AGBL1: variants seen among roughly 807,000 people sequenced by gnomAD.
AGBL1 encodes the protein cytosolic carboxypeptidase 4.
A neutral mutation model predicts 118.9 loss-of-function variants in AGBL1; 130 were observed. That is an observed-to-expected ratio of 1.09 (90% CI 0.95 to 1.26). The LOEUF is 1.26. Among genes scored for constraint, AGBL1 ranks in the 50% most tolerant of loss-of-function variants. The pLI, the probability that AGBL1 is intolerant of heterozygous loss-of-function variation, is 0.00. For synonymous variants in AGBL1, 555 were observed against 478.9 expected (o/e 1.16, Z -2.08); for missense variants, 1,584 against 1,298.1 (o/e 1.22, Z -3.38).
At chr15:86,311,583 G>A (rs2079922010) in intron 17 of AGBL1, among the ~76,000 whole-genome samples, 1 of 152,048 alleles carries the variant, frequency 6.6e-6, no homozygotes, top group Non-Finnish European at 1.5e-5. Context: ...ACCAAAACCC[G>A]GGTTTTCTCC....
intron 24 of AGBL1, among the ~76,000 whole-genome samples, chr15:86,990,133 G>A (rs967195588): frequency 1.1e-4 from 17 of 152,274 alleles, no homozygotes; most frequent in Admixed American, 2.6e-4. Flanking sequence ...GATAGAAAGC[G>A]TATAAGAAAG....
chr15:86,282,942 A>G (rs1484162087), intron 16 of AGBL1, among the ~76,000 whole-genome samples: 3 of 152,222 alleles, frequency 2.0e-5, no homozygotes, highest in South Asian at 2.1e-4. Flanking sequence ...CGTGACTACA[A>G]TTTTGAAACT....
chr15:86,246,595 A>T (rs945155282), intron 6 of AGBL1, among the ~76,000 whole-genome samples: 3 of 152,130 alleles, frequency 2.0e-5, no homozygotes, highest in Admixed American at 2.0e-4. Flanking sequence ...GGTTAGTGGG[A>T]TGAGGAACAA....
chr15:86,963,942 G>A (rs1023884432), intron 23 of AGBL1, among the ~76,000 whole-genome samples: 3 of 150,422 alleles, frequency 2.0e-5, no homozygotes, highest in African/African-American at 7.3e-5. Flanking sequence ...TAATACATTG[G>A]CATAATTTAA....
In AGBL1 at chr15:86,817,140, A is replaced by G. The variant is rs548237634; in HGVS notation, c.3159-89947A>G. Among the ~76,000 whole-genome samples the G allele has an allele frequency of 1.8e-3, 270 of 151,964 alleles. 1 individual carries two copies. Among genetic ancestry groups the G allele is most frequent in the Non-Finnish European group, 2.7e-3 (181 of 67,948 alleles). On this transcript the variant is annotated intron_variant, in intron 22 of 22. Transcript: ENST00000614907. ...CATCTCTACTATAAAATACAAAAAA[A>G]ATTAGCCAGGCGTGGTGGTCAGGTG...
chr15:86,975,150 G>T (rs1181226747), intron 23 of AGBL1, among the ~76,000 whole-genome samples: 1 of 151,936 alleles, frequency 6.6e-6, no homozygotes, highest in Non-Finnish European at 1.5e-5. Context: ...TTGCTCTAAG[G>T]ATACTGTATT....
chr15:86,898,722 G>T (rs1026674598), intron 22 of AGBL1, among the ~76,000 whole-genome samples: 1 of 152,012 alleles, frequency 6.6e-6, no homozygotes, highest in Non-Finnish European at 1.5e-5. Flanking sequence ...TTAAAAATGG[G>T]CAAAGGACGT....
chr15:86,799,198 T>G (rs2078616107), intron 22 of AGBL1, among the ~76,000 whole-genome samples: 1 of 151,954 alleles, frequency 6.6e-6, no homozygotes, highest in South Asian at 2.1e-4. Context: ...ATTATTATAC[T>G]TTAAGTTTTA....
At chr15:87,005,478 G>A (rs11858176) in intron 24 of AGBL1, among the ~76,000 whole-genome samples, 3,207 of 152,008 alleles carry the variant, frequency 0.021, 114 homozygotes, top group African/African-American at 0.071. Flanking sequence ...CCAGTTGATC[G>A]AATTGGCTAC....
chr15:86,754,380 C>T (rs115451705), intron 22 of AGBL1, among the ~76,000 whole-genome samples: 11 of 152,004 alleles, frequency 7.2e-5, no homozygotes, highest in Non-Finnish European at 1.6e-4. Flanking sequence ...ATTTAAGCAA[C>T]AATCAAACAA....
intron 22 of AGBL1, among the ~76,000 whole-genome samples, chr15:86,838,765 C>T (rs1567200349): frequency 1.3e-5 from 2 of 151,232 alleles, no homozygotes; most frequent in African/African-American, 4.9e-5. Flanking sequence ...CATAGTGAGA[C>T]CTCATCCCTA....
intron 4 of AGBL1, among the ~76,000 whole-genome samples, chr15:86,156,656 A>G (rs940406349): frequency 1.3e-5 from 2 of 152,096 alleles, no homozygotes; most frequent in Non-Finnish European, 2.9e-5. Context: ...TCCCCGCCCT[A>G]TGCTTTTCCC....
chr15:86,195,330 T>C (rs2141839102), intron 5 of AGBL1, among the ~76,000 whole-genome samples: 1 of 152,282 alleles, frequency 6.6e-6, no homozygotes, highest in East Asian at 1.9e-4. Context: ...ATAGTCATCC[T>C]GGACTAAATT....
intron 22 of AGBL1, among the ~76,000 whole-genome samples, chr15:86,769,047 A>G (rs1030281826): frequency 2.0e-5 from 3 of 151,964 alleles, no homozygotes; most frequent in Non-Finnish European, 2.9e-5. Flanking sequence ...AAAGGAGCAT[A>G]TTGCATCAGT....
intron 23 of AGBL1, among the ~76,000 whole-genome samples, chr15:86,928,357 T>G (rs529937793): frequency 3.0e-3 from 458 of 152,284 alleles, no homozygotes; most frequent in Non-Finnish European, 5.4e-3. Context: ...AGGGAGGACC[T>G]GGCCTAAGAG....
At chr15:86,146,183 C>A (rs2077031278) in intron 3 of AGBL1, among the ~76,000 whole-genome samples, 1 of 152,194 alleles carries the variant, frequency 6.6e-6, no homozygotes, top group South Asian at 2.1e-4. Context: ...TCTTCCATTT[C>A]TGTGGGTTCT....
chr15:86,247,628 G>C (rs1245294281), intron 6 of AGBL1, 43 bp from the exon 7 acceptor site: 2 of 1,531,588 alleles, frequency 1.3e-6, no homozygotes. Context: ...AGGTGTGGCT[G>C]TGGAGAGCCT....
At position 86,759,584 on chromosome 15, in the gene AGBL1, A is replaced by G. The variant is rs148854116; in HGVS notation, c.3158+85148A>G. On this transcript the variant is annotated intron_variant, in intron 22 of 22. Coordinates refer to ENST00000614907, the MANE Select transcript of AGBL1 (RefSeq NM_001386094.1). The stretch of plus-strand genomic sequence containing the variant: ...TTGACTTGCTTTGGCTTTCCTCCCC[A>G]AATCACACAACTAGTTTCCCTTTGT... Among the ~76,000 whole-genome samples, 11 of 152,238 alleles carry G rather than the reference A, an allele frequency of 7.2e-5. 1 individual carries two copies. The East Asian group carries it at 1.7e-3, about 24-fold the overall frequency.
chr15:86,769,338 A>G (rs2078140622), intron 22 of AGBL1, among the ~76,000 whole-genome samples: 1 of 151,928 alleles, frequency 6.6e-6, no homozygotes, highest in South Asian at 2.1e-4. Flanking sequence ...TCTAGGAAGG[A>G]AGATTTCTCT....
Sources: allele counts gnomAD v4.1 joint callset (sites outside exome capture counted in the v4.1 genomes callset), GRCh38; gene constraint gnomAD v4.1.1; transcripts MANE v1.5; gene names NCBI Gene and HGNC (gene_info 2026-07-23, HGNC 2026-07-21).